Variants in IL16 observed in about 807,000 individuals in gnomAD.
IL16 encodes the protein interleukin 16.
IL16 carries 67 observed loss-of-function variants against 110.1 expected under a neutral mutation model. The ratio of observed to expected loss-of-function variants is 0.61; its 90% CI spans 0.50 to 0.75. IL16 has a LOEUF of 0.75. Among genes scored for constraint, IL16 ranks in the 30% least tolerant of loss-of-function variants. The pLI is 0.00. For synonymous variants in IL16, 689 were observed against 662.9 expected (o/e 1.04, Z -0.61); for missense variants, 1,545 against 1,655.0 (o/e 0.93, Z 1.15).
chr15:81,299,405 C>A lies in IL16; in HGVS notation c.2079C>A (p.His693Gln), dbSNP rs528190343. The A allele has an allele frequency of 1.9e-6, 3 of 1,613,808 alleles. No homozygotes were observed. Among genetic ancestry groups the A allele is most frequent in the South Asian group, 2.2e-5 (2 of 91,080 alleles). The change falls in exon 14 of 19, where the codon CAC (histidine) becomes CAA (glutamine). Residue 693 changes from histidine (H) to glutamine (Q), a missense_variant. Physicochemically the swap from His to Gln is conservative, Grantham distance 24. Transcript: ENST00000683961. ...SPVTQTSPIKHPLLKRQARMD... is the reference protein window; with the variant it reads ...SPVTQTSPIKQPLLKRQARMD... ...TGACCCAAACATCCCCGATAAAACA[C>A]CCACTGCTTAAGAGGCAGGCTCGGA...
At chr15:81,290,582 T>C (rs768327036) in intron 11 of IL16, 42 bp downstream of exon 11, 1 of 1,369,406 alleles carries the variant, frequency 7.3e-7, no homozygotes, top group African/African-American at 1.4e-5. Context: ...ATCTTTGCCT[T>C]CTTAGAAAGC....
intron 5 of IL16, 32 bp downstream of exon 5, chr15:81,269,680 T>TG (rs779435468): frequency 4.7e-6 from 7 of 1,486,952 alleles, no homozygotes; most frequent in African/African-American, 1.4e-5. Flanking sequence ...CAGGAAGTCC[T>TG]GGGGGGCAGC....
chr15:81,251,120 G>T (rs1160150915), intron 2 of IL16, among the ~76,000 whole-genome samples: 1 of 152,070 alleles, frequency 6.6e-6, no homozygotes, highest in East Asian at 1.9e-4. Flanking sequence ...TTACCCATTT[G>T]CTATTTTGTT....
In IL16 at chr15:81,182,781, G is replaced by T. The variant is rs773069384; in HGVS notation, c.-76G>T. ...TACTCCCAGCCGAGAAGCTGCCATC[G>T]ATCCTCCCATGGACCCCTGATCCTG... On this transcript the variant is annotated 5_prime_UTR_variant, in exon 1 of 19. Transcript: ENST00000302987. 8 of 908,044 alleles carry T rather than the reference G, an allele frequency of 8.8e-6. No individual in the cohort carries two copies. The South Asian group carries it at 1.1e-4, about 12-fold the overall frequency. The allele number at this position is 908,044 out of a possible 1,614,324, so 56.2% of individuals were successfully genotyped here.
intron 1 of IL16, among the ~76,000 whole-genome samples, chr15:81,218,082 G>A (rs974669302): frequency 1.3e-5 from 2 of 152,106 alleles, no homozygotes; most frequent in African/African-American, 4.8e-5. Context: ...AATGAAGCAA[G>A]TTTGTTAATG....
At chr15:81,269,719 G>A in intron 5 of IL16, 71 bp downstream of exon 5, 1 of 1,065,436 alleles carries the variant, frequency 9.4e-7, no homozygotes, top group South Asian at 1.3e-5. Context: ...GCTGTGTCCA[G>A]GGAAGGATGG....
At chr15:81,271,971 C>G (rs192357512) in intron 5 of IL16, among the ~76,000 whole-genome samples, 47 of 152,326 alleles carry the variant, frequency 3.1e-4, no homozygotes, top group African/African-American at 1.1e-3. Context: ...GGTTCTGTTA[C>G]AGCAGTGGCC....
intron 5 of IL16, among the ~76,000 whole-genome samples, chr15:81,271,571 C>T (rs1596016365): frequency 6.6e-6 from 1 of 152,228 alleles, no homozygotes. Context: ...AGTGAGGAGC[C>T]GAACCAAGGC....
intron 2 of IL16, among the ~76,000 whole-genome samples, chr15:81,248,327 T>C (rs1409227652): frequency 1.3e-5 from 2 of 152,072 alleles, no homozygotes; most frequent in African/African-American, 2.4e-5. Context: ...CACCTACTTA[T>C]GTATGTGTGA....
rs1161151415 is a variant in IL16, at chr15:81,303,024, T to C, written c.3319-525T>C. Among the ~76,000 whole-genome samples, 5 of 120,800 alleles carry C rather than the reference T, an allele frequency of 4.1e-5. No homozygotes were observed. In the East Asian group the frequency reaches 1.2e-3, roughly 28 times the overall value. The allele number at this position is 120,800 out of a possible 152,430, so 79.2% of individuals were successfully genotyped here. ...AGGAAGTACCGTAGTAATGTGTGTG[T>C]GTGTGTGTGTGTGTGTGTGTCACAC... is the stretch of plus-strand genomic sequence containing the variant. On this transcript the variant is annotated intron_variant, in intron 15 of 18. Transcript: ENST00000683961. This position sits in a 1 kb window ranked among gnomAD's most constrained non-coding sequence, Gnocchi z 4.1.
Position 81,299,860 on chromosome 15 carries a change from C to T in IL16, c.2534C>T (p.Ser845Phe). Residue 845 changes from serine (S) to phenylalanine (F), a missense_variant, in exon 14 of 19, where the codon TCC becomes TTC. Around this residue, in one of 3 missense-constraint regions of IL16, gnomAD observed 1,185 missense variants for 1,238.8 expected, o/e 0.96. Transcript: ENST00000683961. ...SSSSIRQRIS[S>F]FETFGSSQLP... The stretch of plus-strand genomic sequence containing the variant: ...TCCTCCATCAGGCAGAGAATCAGCT[C>T]CTTTGAAACCTTTGGCTCCTCTCAA... The T allele has an allele frequency of 6.2e-7, 1 of 1,613,748 alleles. No individual in the cohort carries two copies. The highest frequency in any genetic ancestry group is 8.5e-7 in the Non-Finnish European group (1 of 1,179,998).
In IL16 at chr15:81,306,047, A is replaced by G; in HGVS notation, c.3560A>G (p.Glu1187Gly). The change falls in exon 17 of 19, where the codon GAG becomes GGG. Residue 1187 changes from glutamate (E) to glycine (G), a missense_variant. Physicochemically the swap from Glu to Gly is moderately conservative, Grantham distance 98. Coordinates refer to ENST00000683961, the MANE Select transcript of IL16 (RefSeq NM_172217.5). The stretch of plus-strand genomic sequence containing the variant: ...TTGGCCATCCTCCGCCAAGCTCGAG[A>G]GCCCAGGCAAGCTGTGATTGTCACA... ...DALAILRQAR[E>G]PRQAVIVTRK... is the part of the protein sequence containing the mutation. 1.2e-6 allele frequency: 2 copies of G among 1,614,186 alleles called. No homozygotes were observed. Among genetic ancestry groups the G allele is most frequent in the Non-Finnish European group, 1.7e-6 (2 of 1,180,040 alleles).
At chr15:81,197,795 A>G (rs1895653805) in intron 1 of IL16, among the ~76,000 whole-genome samples, 1 of 151,938 alleles carries the variant, frequency 6.6e-6, no homozygotes, top group African/African-American at 2.4e-5. Context: ...GTAACAGCAT[A>G]AGAATAGAGG....
At chr15:81,208,022 C>T (rs1249901178) in intron 1 of IL16, among the ~76,000 whole-genome samples, 1 of 152,202 alleles carries the variant, frequency 6.6e-6, no homozygotes. Flanking sequence ...CTTTCCTCTG[C>T]AACCTCACCA....
intron 16 of IL16, among the ~76,000 whole-genome samples, chr15:81,305,190 CCAA>C (rs1360457870): frequency 5.9e-5 from 9 of 152,192 alleles, no homozygotes; most frequent in African/African-American, 2.2e-4. Flanking sequence ...TAATACCCTG[CCAA>C]TACTTAGAAA....
chr15:81,288,919 T>C (rs1205451126), intron 10 of IL16, among the ~76,000 whole-genome samples: 1 of 152,090 alleles, frequency 6.6e-6, no homozygotes, highest in African/African-American at 2.4e-5. Flanking sequence ...CTTTTGACTA[T>C]TGTGAATAAT....
intron 2 of IL16, among the ~76,000 whole-genome samples, chr15:81,246,229 T>C (rs1897543079): frequency 6.6e-6 from 1 of 151,378 alleles, no homozygotes; most frequent in African/African-American, 2.4e-5. Flanking sequence ...TTTTATGAAT[T>C]TTAACATATG....
chr15:81,198,790 C>A (rs549310984), intron 1 of IL16, among the ~76,000 whole-genome samples: 2 of 139,398 alleles, frequency 1.4e-5, no homozygotes, highest in Non-Finnish European at 3.0e-5. Flanking sequence ...GAGGCCGAGG[C>A]GGGCGGATCA....
At position 81,300,367 on chromosome 15, in the gene IL16, C is replaced by A; in HGVS notation, c.3041C>A (p.Thr1014Asn). 5 of 1,614,210 alleles carry A rather than the reference C, an allele frequency of 3.1e-6. No homozygotes were observed. Among genetic ancestry groups the A allele is most frequent in the Non-Finnish European group, 4.2e-6 (5 of 1,180,012 alleles). Residue 1014 changes from threonine to asparagine, a missense_variant, in exon 14 of 19, where the codon ACT becomes AAT. This residue lies in a region of IL16 where 356 missense variants were observed against 399.3 expected (regional missense o/e 0.89). Transcript: ENST00000683961. ...CLPSSISCAQ[T>N]PCIPKEGASP... ...CCATCTTCTATCTCCTGTGCCCAGA[C>A]TCCCTGCATCCCCAAGGAAGGGGCA...
Sources: gnomAD v4.1 joint callset for allele counts (sites outside exome capture counted in the v4.1 genomes callset) on GRCh38, gnomAD v4.1.1 for gene constraint, gnomAD v4.1.1 regional missense constraint, Gnocchi (gnomAD v3.1) non-coding constraint, MANE v1.5 for transcripts, NCBI Gene and HGNC (gene_info 2026-07-23, HGNC 2026-07-21) for gene names.